LRRC18: variants seen among roughly 807,000 people sequenced by gnomAD.
LRRC18 encodes leucine-rich repeat-containing protein 18.
In LRRC18, 12 loss-of-function variants were observed where a neutral mutation model predicts 11.2. The observed-to-expected ratio is 1.07, with a 90% CI of 0.69 to 1.74. The LOEUF (loss-of-function observed/expected upper bound fraction) is 1.74, where lower values mean the gene tolerates loss of function less well. LRRC18 is among the 40% of genes most tolerant of loss of function. LRRC18 has a pLI of 0.00. For synonymous variants in LRRC18, 155 were observed against 130.6 expected, an observed-to-expected ratio of 1.19 and a Z score of -1.27; for missense variants, 374 against 330.5, an observed-to-expected ratio of 1.13 and a Z score of -1.02.
the LRRC18 span, among the ~76,000 whole-genome samples, chr10:48,937,534 C>T: frequency 1.3e-5 from 2 of 152,194 alleles, no homozygotes; most frequent in Non-Finnish European, 2.9e-5. Context: ...CCTTGCCCCA[C>T]ACCTCCATAT....
the LRRC18 span, among the ~76,000 whole-genome samples, chr10:48,931,363 TGA>T: frequency 1.3e-5 from 2 of 152,152 alleles, no homozygotes; most frequent in East Asian, 3.9e-4. Flanking sequence ...AGGTGGCCAC[TGA>T]GAGTGGGGGA....
the LRRC18 span, among the ~76,000 whole-genome samples, chr10:48,938,898 G>T: frequency 6.6e-6 from 1 of 152,200 alleles, no homozygotes; most frequent in South Asian, 2.1e-4. Flanking sequence ...AAGGGTTGAT[G>T]TGATGTCCCC....
At chr10:48,919,189 A>G (rs1312939648), upstream of LRRC18, among the ~76,000 whole-genome samples, 1 of 152,226 alleles carries the variant, frequency 6.6e-6, no homozygotes, top group Non-Finnish European at 1.5e-5. Context: ...AAAAAAAAGA[A>G]AGAGAAGCCA....
chr10:48,937,018 C>T, the LRRC18 span, among the ~76,000 whole-genome samples: 2 of 151,508 alleles, frequency 1.3e-5, no homozygotes, highest in African/African-American at 4.8e-5. Context: ...CTCCCGGGTT[C>T]GAGTAGCTGG....
At chr10:48,918,457 A>G (rs143414787), upstream of LRRC18, among the ~76,000 whole-genome samples, 1 of 152,336 alleles carries the variant, frequency 6.6e-6, no homozygotes, top group Non-Finnish European at 1.5e-5. Flanking sequence ...ATATTTCAGA[A>G]CAAGAAAATT....
At chr10:48,938,670 C>A in the LRRC18 span, among the ~76,000 whole-genome samples, 1 of 152,156 alleles carries the variant, frequency 6.6e-6, no homozygotes, top group Non-Finnish European at 1.5e-5. Flanking sequence ...GTAGGGAAGG[C>A]CCTAAGGCCA....
chr10:48,921,409 A>AT, the LRRC18 span, among the ~76,000 whole-genome samples: 1 of 152,226 alleles, frequency 6.6e-6, no homozygotes, highest in Admixed American at 6.5e-5. Flanking sequence ...GAAATTGGTT[A>AT]TTTATATGCA....
chr10:48,916,501 G>A (rs1191726229), upstream of LRRC18, among the ~76,000 whole-genome samples: 1 of 152,184 alleles, frequency 6.6e-6, no homozygotes, highest in Admixed American at 6.5e-5. Flanking sequence ...CCAAACTGTG[G>A]TCCTCAGAGC....
chr10:48,919,461 GA>G, the LRRC18 span, among the ~76,000 whole-genome samples: 1 of 152,176 alleles, frequency 6.6e-6, no homozygotes, highest in East Asian at 1.9e-4. Flanking sequence ...AACATTTAAA[GA>G]AGACTGTCTT....
the LRRC18 span, among the ~76,000 whole-genome samples, chr10:48,939,214 C>T: frequency 6.6e-6 from 1 of 152,226 alleles, no homozygotes; most frequent in Non-Finnish European, 1.5e-5. Context: ...CCACTGCACT[C>T]TCCTTCCTCC....
chr10:48,928,398 T>TGTGTGTGTGTG, the LRRC18 span, among the ~76,000 whole-genome samples: 15 of 56,012 alleles, frequency 2.7e-4, no homozygotes, highest in Admixed American at 6.7e-4. Context: ...GTGTGTGTGT[T>TGTGTGTGTGTG]GGTGGGGGTT....
chr10:48,924,721 A>T, the LRRC18 span, among the ~76,000 whole-genome samples: 1 of 152,204 alleles, frequency 6.6e-6, no homozygotes, highest in South Asian at 2.1e-4. Flanking sequence ...GCATGGTGGG[A>T]TACCCCATGG....
chr10:48,930,587 C>T, the LRRC18 span, among the ~76,000 whole-genome samples: 1 of 152,038 alleles, frequency 6.6e-6, no homozygotes, highest in African/African-American at 2.4e-5. Context: ...TGGGACTAGG[C>T]TATGGAGAAC....
At chr10:48,923,134 T>C in the LRRC18 span, among the ~76,000 whole-genome samples, 25 of 152,160 alleles carry the variant, frequency 1.6e-4, no homozygotes, top group African/African-American at 5.6e-4. Flanking sequence ...TTGTCCCACG[T>C]TGGAAGTCTG....
upstream of LRRC18, among the ~76,000 whole-genome samples, chr10:48,915,183 A>G (rs1305846336): frequency 1.3e-5 from 2 of 152,208 alleles, no homozygotes; most frequent in African/African-American, 4.8e-5. Context: ...ACTATAAAGC[A>G]CTTATAACAG....
the LRRC18 span, among the ~76,000 whole-genome samples, chr10:48,929,632 C>T: frequency 0.92 from 139,871 of 152,284 alleles, 65,069 homozygotes; most frequent in East Asian, 1. Flanking sequence ...TATACACTAA[C>T]GATTGCCCGG....
At chr10:48,932,376 C>G in the LRRC18 span, 1 of 152,220 alleles carries the variant, frequency 6.6e-6, no homozygotes, top group African/African-American at 2.4e-5. Context: ...AATACAAAGT[C>G]TTTGCAACCT....
At chr10:48,920,874 T>C in the LRRC18 span, among the ~76,000 whole-genome samples, 1 of 152,172 alleles carries the variant, frequency 6.6e-6, no homozygotes, top group Non-Finnish European at 1.5e-5. Context: ...CTATTAACAA[T>C]TGGAAACTGA....
the LRRC18 span, among the ~76,000 whole-genome samples, chr10:48,934,383 A>T: frequency 6.6e-6 from 1 of 152,218 alleles, no homozygotes; most frequent in Non-Finnish European, 1.5e-5. Flanking sequence ...ACTGCCTGAC[A>T]TGTCGATTTT....
Sources: allele counts gnomAD v4.1 joint callset (sites outside exome capture counted in the v4.1 genomes callset), GRCh38; gene constraint gnomAD v4.1.1; transcripts MANE v1.5; gene names NCBI Gene and HGNC (gene_info 2026-07-23, HGNC 2026-07-21).